The following XBP1 variants were observed in gnomAD, a reference collection of about 807,000 sequenced individuals.
XBP1 encodes X-box binding protein 1, also known as X-box-binding protein 1.
A neutral mutation model predicts 34.6 loss-of-function variants in XBP1; 18 were observed. That is an observed-to-expected ratio of 0.52 (90% CI 0.36 to 0.77). The LOEUF (loss-of-function observed/expected upper bound fraction) is 0.77, where lower values mean the gene tolerates loss of function less well. XBP1 is among the 30% of genes least tolerant of loss of function. The pLI is 0.00. For synonymous variants in XBP1, 191 were observed against 193.4 expected (o/e 0.99, Z 0.11); for missense variants, 422 against 464.6 (o/e 0.91, Z 0.84).
In XBP1 at chr22:28,800,294, C is replaced by T. The variant is rs1322010547; in HGVS notation, c.227+4G>A. The T allele has an allele frequency of 6.4e-7, 1 of 1,554,296 alleles. No individual in the cohort carries two copies. The highest frequency in any genetic ancestry group is 8.7e-7 in the Non-Finnish European group (1 of 1,150,464). On this transcript the variant is annotated splice_donor_region_variant and intron_variant, in intron 1 of 5. Transcript: ENST00000344347. The stretch of plus-strand genomic sequence containing the variant: ...CTGGCCCCAGACCCCGGCCCCTCGC[C>T]CACCTCCTCAGCGCCTTCTCCTCGG...
intron 2 of XBP1, among the ~76,000 whole-genome samples, chr22:28,797,648 G>A (rs2031774485): frequency 6.6e-6 from 1 of 152,016 alleles, no homozygotes; most frequent in African/African-American, 2.4e-5. Context: ...TGGATGTGGT[G>A]AGGGGTGCCT....
exon 1 of XBP1, chr22:28,800,474 A>G: frequency 6.7e-7 from 1 of 1,484,228 alleles, no homozygotes; most frequent in Non-Finnish European, 8.9e-7. Flanking sequence ...ACAGAAGCAG[A>G]ACTTTAGGGG....
chr22:28,799,227 G>T, intron 1 of XBP1, 74 bp from the exon 2 acceptor site: 5 of 1,151,700 alleles, frequency 4.3e-6, no homozygotes, highest in Non-Finnish European at 6.3e-6. Context: ...AACTTTACCA[G>T]CTGGTGCTTT....
At chr22:28,797,526 A>G (rs544210666) in intron 2 of XBP1, among the ~76,000 whole-genome samples, 16 of 152,180 alleles carry the variant, frequency 1.1e-4, no homozygotes, top group African/African-American at 3.9e-4. Flanking sequence ...CACACTTGTA[A>G]TCCTAACACT....
In XBP1 at chr22:28,797,064, G is replaced by A; in HGVS notation, c.453+13C>T. On this transcript the variant is annotated intron_variant, in intron 3 of 5. Transcript: ENST00000344347. ...GTACTCACATGAGGCACCAAATAAAGGAGATGATTTACCTTGGCTTCCGCC... is the reference window on the plus strand; with the variant it reads ...GTACTCACATGAGGCACCAAATAAAAGAGATGATTTACCTTGGCTTCCGCC... The A allele has an allele frequency of 6.2e-7, 1 of 1,602,524 alleles. No individual in the cohort carries two copies. The highest frequency in any genetic ancestry group is 8.5e-7 in the Non-Finnish European group (1 of 1,177,166).
At chr22:28,800,428 C>A in exon 1 of XBP1, 1 of 1,488,402 alleles carries the variant, frequency 6.7e-7, no homozygotes. Flanking sequence ...AGGGCCTGGC[C>A]GGCCGGGGCT....
At chr22:28,795,072 T>C, downstream of XBP1, 1 of 1,123,412 alleles carries the variant, frequency 8.9e-7, no homozygotes, top group Admixed American at 3.0e-5. Flanking sequence ...TAGGACTGTA[T>C]ACTCTCTATT....
exon 3 of XBP1, chr22:28,797,164 T>G: frequency 6.2e-7 from 1 of 1,613,546 alleles, no homozygotes; most frequent in Non-Finnish European, 8.5e-7. Context: ...GGCCATGAGT[T>G]TTCTCTCGTA....
chr22:28,798,642 CTCTG>C (rs2031795976), intron 2 of XBP1, among the ~76,000 whole-genome samples: 1 of 147,008 alleles, frequency 6.8e-6, no homozygotes, highest in Non-Finnish European at 1.5e-5. Context: ...CAGAGTCTCA[CTCTG>C]TTGCCCAGGC....
intron 1 of XBP1, 58 bp from the exon 2 acceptor site, chr22:28,799,211 T>C (rs2031815608): frequency 7.3e-7 from 1 of 1,365,412 alleles, no homozygotes; most frequent in Non-Finnish European, 1.0e-6. Flanking sequence ...TATGTCTTTA[T>C]TTGAAAACTT....
rs145587814 is a variant in XBP1 at position 28,798,869 on chromosome 22, A to C, written c.324+188T>G. 1,145 of 458,816 alleles carry C rather than the reference A, an allele frequency of 2.5e-3. 13 individuals carry two copies. The highest frequency in any genetic ancestry group is 0.023 in the African/African-American group (1,029 of 44,662). The allele number at this position is 458,816 out of a possible 1,614,324, so 28.4% of individuals were successfully genotyped here. A position where few individuals can be genotyped will look rare whatever the true frequency, so the allele number is the denominator to read the frequency against. ...CTGCTGGCTTCAAGTGATCTGCCCA[A>C]CTCAGGCTCCCAAAGTGCTGGGATT... On this transcript the variant is annotated intron_variant, in intron 2 of 5. Transcript: ENST00000344347.
intron 3 of XBP1, 101 bp downstream of exon 3, chr22:28,796,976 G>C (rs776233565): frequency 3.6e-5 from 52 of 1,439,914 alleles, no homozygotes; most frequent in Admixed American, 4.8e-5. Flanking sequence ...AAAATTTCAA[G>C]AACGCTCTTG....
chr22:28,800,292 GC>G lies in XBP1; in HGVS notation c.227+5del. On this transcript the variant is annotated splice_donor_5th_base_variant and intron_variant, in intron 1 of 5. Transcript: ENST00000344347. ...ATCTGGCCCCAGACCCCGGCCCCTC[GC>G]CCACCTCCTCAGCGCCTTCTCCTCG... 6.4e-7 allele frequency: 1 copy of G among 1,552,692 alleles called. No homozygotes were observed. The highest frequency in any genetic ancestry group is 8.7e-7 in the Non-Finnish European group (1 of 1,149,678).
chr22:28,800,488 C>T (rs768055635), exon 1 of XBP1: 5 of 1,486,314 alleles, frequency 3.4e-6, no homozygotes, highest in Non-Finnish European at 4.4e-6. Flanking sequence ...TTAGGGGTCC[C>T]GTCGGCCGGG....
chr22:28,797,506 C>G (rs987236568), intron 2 of XBP1, among the ~76,000 whole-genome samples: 7 of 152,038 alleles, frequency 4.6e-5, no homozygotes, highest in African/African-American at 1.7e-4. Context: ...CTTGGCCAGG[C>G]TCGGTGGCTC....
chr22:28,797,134 C>T (rs1450643398), exon 3 of XBP1: 11 of 1,613,480 alleles, frequency 6.8e-6, no homozygotes, highest in Admixed American at 1.7e-5. Context: ...GCTGTCTTAA[C>T]TCCTGGTTCT....
chr22:28,799,871 T>G, intron 1 of XBP1: 1 of 702,122 alleles, frequency 1.4e-6, no homozygotes. Flanking sequence ...CCAGTGAGCC[T>G]CGCAGAATTC....
intron 1 of XBP1, 88 bp downstream of exon 1, chr22:28,800,210 T>TG (rs1005260358): frequency 9.7e-6 from 14 of 1,442,494 alleles, no homozygotes; most frequent in Non-Finnish European, 1.2e-5. Flanking sequence ...GGGCGGCCAG[T>TG]GCTGGGTCCC....
chr22:28,797,227 G>C (rs764415584), intron 2 of XBP1, 22 bp from the exon 3 acceptor site: 3 of 1,607,382 alleles, frequency 1.9e-6, no homozygotes, highest in Non-Finnish European at 2.5e-6. Context: ...TTCATAAGAG[G>C]CTATTAAAAC....
Sources: gnomAD v4.1 joint callset for allele counts (sites outside exome capture counted in the v4.1 genomes callset) on GRCh38, gnomAD v4.1.1 for gene constraint, MANE v1.5 for transcripts, NCBI Gene and HGNC (gene_info 2026-07-23, HGNC 2026-07-21) for gene names.